IKBKB: variants seen among roughly 807,000 people sequenced by gnomAD.
The protein encoded by IKBKB is inhibitor of nuclear factor kappa-B kinase subunit beta.
IKBKB carries 42 observed loss-of-function variants against 113.6 expected under a neutral mutation model. The observed-to-expected ratio is 0.37, with a 90% CI of 0.29 to 0.48. The LOEUF (loss-of-function observed/expected upper bound fraction) is 0.48. Among genes scored for constraint, IKBKB ranks in the 20% least tolerant of loss-of-function variants. The probability of loss-of-function intolerance (pLI) is 0.99; values close to 1 mark genes in which losing one functional copy is unlikely to be tolerated. For synonymous variants in IKBKB, 296 were observed against 361.3 expected (o/e 0.82, Z 2.05); for missense variants, 673 against 939.7 (o/e 0.72, Z 3.71).
At position 42,306,123 on chromosome 8, in the gene IKBKB, G is replaced by A. The variant is rs936449524; in HGVS notation, c.478-220G>A. Among the ~76,000 whole-genome samples, 3 of 152,204 alleles carry A rather than the reference G, an allele frequency of 2.0e-5. 1 individual carries two copies. In the South Asian group the frequency reaches 6.2e-4, roughly 32 times the overall value. ...TGATGATGCGTGGCAGAGTGTGGGA[G>A]GACACGTGCCTAGCATTTTTACAAT... On this transcript the variant is annotated intron_variant, in intron 6 of 21. Coordinates refer to ENST00000520810, the MANE Select transcript of IKBKB (RefSeq NM_001556.3).
At chr8:42,303,872 C>T (rs747052361) in intron 5 of IKBKB, among the ~76,000 whole-genome samples, 1 of 152,190 alleles carries the variant, frequency 6.6e-6, no homozygotes, top group Non-Finnish European at 1.5e-5. Context: ...GGTATCTTTA[C>T]TCTTTGGTGT....
At chr8:42,323,734 ATCC>A (rs1820208237) in intron 19 of IKBKB, among the ~76,000 whole-genome samples, 1 of 152,206 alleles carries the variant, frequency 6.6e-6, no homozygotes, top group South Asian at 2.1e-4. Flanking sequence ...TGATTGACAC[ATCC>A]TCCTGTAAGA....
intron 2 of IKBKB, among the ~76,000 whole-genome samples, chr8:42,277,754 C>T (rs11996708): frequency 0.21 from 31,856 of 152,092 alleles, 7,707 homozygotes; most frequent in African/African-American, 0.59. Context: ...GTTCCTGTGC[C>T]GCCCTTCCTG....
intron 3 of IKBKB, among the ~76,000 whole-genome samples, chr8:42,289,517 C>T (rs773494505): frequency 3.9e-5 from 6 of 152,140 alleles, no homozygotes; most frequent in African/African-American, 9.7e-5. Context: ...AGTGTGGAGA[C>T]GGGGCTGTCC....
Position 42,316,844 on chromosome 8 carries a change from G to C in IKBKB, c.1065G>C (p.Gln355His). 2 of 1,614,184 alleles carry C rather than the reference G, an allele frequency of 1.2e-6. No homozygotes were observed. Among genetic ancestry groups the C allele is most frequent in the Non-Finnish European group, 1.7e-6 (2 of 1,180,038 alleles). The change falls in exon 11 of 22, where the codon CAG (glutamine) becomes CAC (histidine). Residue 355 changes from glutamine (Q) to histidine (H), a missense_variant. Physicochemically the swap from Gln to His is conservative, Grantham distance 24. Transcript: ENST00000520810. This position sits in a 1 kb window ranked among gnomAD's most constrained non-coding sequence, Gnocchi z 4.5. ...GIPEEDQELL[Q>H]EAGLALIPDK... Reference sequence around the variant, plus strand: ...CAGAGGAGGACCAGGAGCTGCTGCAGGAAGCGGGCCTGGCGTTGATCCCCG... The same window carrying C: ...CAGAGGAGGACCAGGAGCTGCTGCACGAAGCGGGCCTGGCGTTGATCCCCG...
intron 5 of IKBKB, among the ~76,000 whole-genome samples, chr8:42,303,096 A>AT (rs1563331831): frequency 7.5e-6 from 1 of 132,552 alleles, no homozygotes; most frequent in African/African-American, 3.5e-5. Flanking sequence ...AGAGAATGAG[A>AT]GAGAGAGAGA....
At chr8:42,320,663 G>A (rs1009193511) in intron 15 of IKBKB, 72 bp from the exon 16 acceptor site, 25 of 1,265,814 alleles carry the variant, frequency 2.0e-5, no homozygotes, top group Non-Finnish European at 2.4e-5. Context: ...CCCTGGTCTC[G>A]CTCCCCCGCA....
intron 1 of IKBKB, chr8:42,271,823 G>T: frequency 1.8e-6 from 1 of 547,196 alleles, no homozygotes; most frequent in Admixed American, 3.7e-5. Context: ...GCTAGGGCAA[G>T]GGCGTGGGCA....
At chr8:42,325,233 G>A (rs1170651600) in intron 19 of IKBKB, 2 of 985,580 alleles carry the variant, frequency 2.0e-6, no homozygotes, top group African/African-American at 3.5e-5. Flanking sequence ...TTCGGGCTGG[G>A]AGGGGCAGTG....
At chr8:42,273,377 T>G (rs907477960) in intron 2 of IKBKB, among the ~76,000 whole-genome samples, 6 of 151,688 alleles carry the variant, frequency 4.0e-5, no homozygotes, top group Non-Finnish European at 8.8e-5. Context: ...ATAGTGTCAC[T>G]GCATTCCAGC....
intron 20 of IKBKB, among the ~76,000 whole-genome samples, chr8:42,327,567 T>C (rs1269691580): frequency 1.3e-5 from 2 of 151,666 alleles, no homozygotes; most frequent in Non-Finnish European, 2.9e-5. Context: ...TCTCCTGACC[T>C]TGTGATCCAC....
At chr8:42,271,971 A>AT (rs1807851999) in intron 1 of IKBKB, 112 bp from the exon 2 acceptor site, 1 of 1,152,400 alleles carries the variant, frequency 8.7e-7, no homozygotes. Flanking sequence ...AACCAGTTGT[A>AT]TTTTTCTTCT....
chr8:42,326,925 C>T (rs1053817982), intron 20 of IKBKB, among the ~76,000 whole-genome samples: 2 of 152,158 alleles, frequency 1.3e-5, no homozygotes, highest in African/African-American at 4.8e-5. Flanking sequence ...AGGCTAATCT[C>T]TAGGCATGGG....
In IKBKB at chr8:42,281,465, C is replaced by G. The variant is rs569399003; in HGVS notation, c.106-7169C>G. On this transcript the variant is annotated intron_variant, in intron 2 of 21. Coordinates refer to ENST00000520810, the MANE Select transcript of IKBKB (RefSeq NM_001556.3). ...CAGGCGGTGGGGGAGGGAGTTACAC[C>G]TGGACCTGCTTGTCTCCTGAGCCCG... is the stretch of plus-strand genomic sequence containing the variant. Among the ~76,000 whole-genome samples, 8 of 152,288 alleles carry G rather than the reference C, an allele frequency of 5.3e-5. 1 individual carries two copies. Among genetic ancestry groups the G allele is most frequent in the African/African-American group, 1.9e-4 (8 of 41,550 alleles).
At chr8:42,318,725 G>A (rs1819190084) in intron 13 of IKBKB, 50 bp downstream of exon 13, 1 of 1,533,524 alleles carries the variant, frequency 6.5e-7, no homozygotes, top group Non-Finnish European at 8.8e-7. Flanking sequence ...AAATTCCTTG[G>A]TGGCTTTGGC....
Position 42,327,806 on chromosome 8 carries a change from A to ATTTTTTTTTT in IKBKB, c.2115-1312_2115-1303dup, listed in dbSNP as rs1285987849. ...AGCCACCAGGCCTGGCTAATTTTGTATTTTTTTTTTTTTTTGAGACGGAGT... is the reference window on the plus strand; with the variant it reads ...AGCCACCAGGCCTGGCTAATTTTGTATTTTTTTTTTTTTTTTTTTTTTTTTGAGACGGAGT... On this transcript the variant is annotated intron_variant, in intron 20 of 21. Transcript: ENST00000520810. 2.0e-4 allele frequency among the ~76,000 whole-genome samples: 3 copies of ATTTTTTTTTT among 14,676 alleles called. 1 individual carries two copies. The highest frequency in any genetic ancestry group is 3.8e-4 in the African/African-American group (3 of 7,908). 9.6% of individuals were successfully genotyped at this position (14,676 alleles called of 152,430 possible).
chr8:42,274,524 T>TTTG lies in IKBKB; in HGVS notation c.105+2340_105+2342dup, dbSNP rs151240252. Among the ~76,000 whole-genome samples the TTTG allele has an allele frequency of 1.3e-3, 187 of 143,058 alleles. 2 individuals carry two copies. The East Asian group carries it at 0.026, about 20-fold the overall frequency. The allele number at this position is 143,058 out of a possible 152,430, so 93.9% of individuals were successfully genotyped here. A position where few individuals can be genotyped will look rare whatever the true frequency, so the allele number is the denominator to read the frequency against. The stretch of plus-strand genomic sequence containing the variant: ...CTACTTTCTACTTCTGCGAGATTAG[T>TTTG]TTGTTGTTGTTGTTGTTGTTGTTTT... On this transcript the variant is annotated intron_variant, in intron 2 of 21. Coordinates refer to ENST00000520810, the MANE Select transcript of IKBKB (RefSeq NM_001556.3).
intron 4 of IKBKB, among the ~76,000 whole-genome samples, chr8:42,292,926 C>T (rs966724509): frequency 1.1e-4 from 16 of 152,144 alleles, no homozygotes; most frequent in African/African-American, 2.2e-4. Flanking sequence ...AATGAGGTCA[C>T]GCAGGGAAGG....
intron 5 of IKBKB, chr8:42,298,241 CGG>C: frequency 1.0e-6 from 1 of 985,376 alleles, no homozygotes; most frequent in Non-Finnish European, 1.2e-6. Flanking sequence ...CTCTGCTGGG[CGG>C]GCCTGGGTCT....
Sources: gnomAD v4.1 joint callset for allele counts (sites outside exome capture counted in the v4.1 genomes callset) on GRCh38, gnomAD v4.1.1 for gene constraint, Gnocchi (gnomAD v3.1) non-coding constraint, MANE v1.5 for transcripts, NCBI Gene and HGNC (gene_info 2026-07-23, HGNC 2026-07-21) for gene names.